KAZN: variants seen among roughly 807,000 people sequenced by gnomAD.
The protein encoded by KAZN is kazrin, periplakin interacting protein.
In KAZN, 40 loss-of-function variants were observed where a neutral mutation model predicts 87.4. The ratio of observed to expected loss-of-function variants is 0.46; its 90% CI spans 0.36 to 0.60. The LOEUF (loss-of-function observed/expected upper bound fraction) is 0.60. KAZN is among the 20% of genes least tolerant of loss of function. The pLI, the probability that KAZN is intolerant of heterozygous loss-of-function variation, is 0.00. For missense variants in KAZN, 898 were observed against 1,073.9 expected, an observed-to-expected ratio of 0.84 and a Z score of 2.29; for synonymous variants, 466 against 458.3, an observed-to-expected ratio of 1.02 and a Z score of -0.22.
chr1:13,967,011 C>T (rs1009250140), intron 1 of KAZN, among the ~76,000 whole-genome samples: 1 of 152,194 alleles, frequency 6.6e-6, no homozygotes, highest in African/African-American at 2.4e-5. Flanking sequence ...CACCCCACCC[C>T]TCAGCCCAGC....
chr1:14,304,942 G>T (rs1654815346), intron 2 of KAZN, among the ~76,000 whole-genome samples: 1 of 144,526 alleles, frequency 6.9e-6, no homozygotes, highest in Non-Finnish European at 1.5e-5. Flanking sequence ...GCCAAAGCTA[G>T]TTTTTTTTTT....
At chr1:15,062,934 G>A (rs940650164) in intron 6 of KAZN, 5 of 152,470 alleles carry the variant, frequency 3.3e-5, no homozygotes, top group African/African-American at 1.2e-4. Flanking sequence ...GACCAAGTAT[G>A]CAGTTACCCT....
chr1:14,891,759 C>T (rs1004897436), intron 1 of KAZN, among the ~76,000 whole-genome samples: 2 of 152,130 alleles, frequency 1.3e-5, no homozygotes, highest in African/African-American at 2.4e-5. Context: ...TGGGATTTTA[C>T]AGGTGATTTA....
At chr1:14,418,686 T>C (rs897709961) in intron 2 of KAZN, among the ~76,000 whole-genome samples, 5 of 152,224 alleles carry the variant, frequency 3.3e-5, no homozygotes, top group Non-Finnish European at 5.9e-5. Flanking sequence ...CTTCTAACTG[T>C]ATACTCCCAA....
At chr1:14,503,827 C>G (rs1670402325) in intron 2 of KAZN, among the ~76,000 whole-genome samples, 1 of 152,136 alleles carries the variant, frequency 6.6e-6, no homozygotes, top group African/African-American at 2.4e-5. Flanking sequence ...CAGGGGCTCA[C>G]TGCATTCCTC....
At chr1:15,041,768 A>C (rs1364726369) in intron 3 of KAZN, among the ~76,000 whole-genome samples, 1 of 149,568 alleles carries the variant, frequency 6.7e-6, no homozygotes, top group African/African-American at 2.5e-5. Context: ...ACCACCCCCA[A>C]CCCCCTTCCA....
chr1:14,444,673 C>T (rs903765308), intron 2 of KAZN, among the ~76,000 whole-genome samples: 1 of 152,086 alleles, frequency 6.6e-6, no homozygotes, highest in East Asian at 1.9e-4. Context: ...TGGGTAGAAT[C>T]GGGGTTCTTC....
At chr1:14,334,914 TAGAG>T (rs1334824214) in intron 2 of KAZN, among the ~76,000 whole-genome samples, 3 of 150,320 alleles carry the variant, frequency 2.0e-5, no homozygotes, top group Non-Finnish European at 3.0e-5. Context: ...CAGAGAGAAA[TAGAG>T]AGGAAGACAC....
intron 1 of KAZN, among the ~76,000 whole-genome samples, chr1:14,625,583 G>GA (rs1242180027): frequency 1.3e-5 from 2 of 152,054 alleles, no homozygotes; most frequent in Non-Finnish European, 2.9e-5. Flanking sequence ...GTTTAAGGGG[G>GA]AAAAAAACTT....
Position 15,094,840 on chromosome 1 carries a change from AC to A in KAZN, c.1456del (p.Leu486CysfsTer48). On this transcript the variant is annotated frameshift_variant, in exon 10 of 15. Coordinates refer to ENST00000376030, the MANE Select transcript of KAZN (RefSeq NM_201628.3). LOFTEE classifies it high-confidence loss of function. This position sits in a 1 kb window ranked among gnomAD's most constrained non-coding sequence, Gnocchi z 4.5. The stretch of plus-strand genomic sequence containing the variant: ...GTGCTGCTGAGCCTGAGTGACGAGG[AC>A]CTGCAGCTGGGCCTTGGGGTGTGCA... The part of the protein sequence containing the change: ...GKVLLSLSDE[D>X]LQLGLGVCSS... 6.5e-7 allele frequency: 1 copy of A among 1,550,372 alleles called. No homozygotes were observed. Among genetic ancestry groups the A allele is most frequent in the Non-Finnish European group, 8.7e-7 (1 of 1,146,542 alleles).
intron 2 of KAZN, among the ~76,000 whole-genome samples, chr1:14,479,740 C>T (rs532583378): frequency 9.2e-5 from 14 of 152,284 alleles, no homozygotes; most frequent in Admixed American, 3.9e-4. Flanking sequence ...GGCATGATCC[C>T]CTTCCTCTGG....
chr1:14,330,889 A>G (rs1056827801), intron 2 of KAZN, among the ~76,000 whole-genome samples: 1 of 152,206 alleles, frequency 6.6e-6, no homozygotes, highest in African/African-American at 2.4e-5. Flanking sequence ...GACAAGTTCA[A>G]CCTATGGAAG....
chr1:14,763,099 G>A (rs1168922276), intron 1 of KAZN, among the ~76,000 whole-genome samples: 2 of 152,300 alleles, frequency 1.3e-5, no homozygotes, highest in Non-Finnish European at 2.9e-5. Context: ...GAGTAGCTCT[G>A]ATAGGCAAAG....
chr1:14,660,545 T>C (rs867808562), intron 1 of KAZN, among the ~76,000 whole-genome samples: 6 of 130,834 alleles, frequency 4.6e-5, no homozygotes, highest in African/African-American at 1.4e-4. Context: ...CTCTCTCTTT[T>C]TTTTTTTTTT....
At chr1:14,745,708 C>T (rs1644245319) in intron 1 of KAZN, among the ~76,000 whole-genome samples, 1 of 152,130 alleles carries the variant, frequency 6.6e-6, no homozygotes, top group African/African-American at 2.4e-5. Context: ...TCTTAATCAT[C>T]ACTAGAATTA....
At position 14,996,848 on chromosome 1, in the gene KAZN, C is replaced by G. The variant is rs561124456; in HGVS notation, c.418+35973C>G. Among the ~76,000 whole-genome samples the G allele has an allele frequency of 6.6e-6, 1 of 152,166 alleles. No homozygotes were observed. The highest frequency in any genetic ancestry group is 2.4e-5 in the African/African-American group (1 of 41,446). On this transcript the variant is annotated intron_variant, in intron 2 of 14. Transcript: ENST00000376030. The surrounding 1 kb of genome is among the most constrained non-coding windows in gnomAD (Gnocchi z 5.9). ...CATGTGGGGCACTGGGAGGGAGGGC[C>G]GTTTGCCTGCGGCCCCATGACCTCG...
At chr1:14,750,134 G>A (rs1370201455) in intron 1 of KAZN, among the ~76,000 whole-genome samples, 1 of 152,050 alleles carries the variant, frequency 6.6e-6, no homozygotes, top group Non-Finnish European at 1.5e-5. Flanking sequence ...CTGGGTAACG[G>A]GCACAGGGTA....
intron 1 of KAZN, among the ~76,000 whole-genome samples, chr1:14,691,852 C>T (rs1018064972): frequency 2.6e-5 from 4 of 151,926 alleles, no homozygotes; most frequent in African/African-American, 9.7e-5. Context: ...TGCTCTCCAT[C>T]CAGCAAGCAC....
chr1:14,105,090 G>A (rs1231229994), intron 1 of KAZN, among the ~76,000 whole-genome samples: 1 of 152,132 alleles, frequency 6.6e-6, no homozygotes, highest in Non-Finnish European at 1.5e-5. Context: ...TTTGTTTTTA[G>A]CATTGACTGT....
Sources: gnomAD v4.1 joint callset for allele counts (sites outside exome capture counted in the v4.1 genomes callset) on GRCh38, gnomAD v4.1.1 for gene constraint, Gnocchi (gnomAD v3.1) non-coding constraint, MANE v1.5 for transcripts, NCBI Gene and HGNC (gene_info 2026-07-23, HGNC 2026-07-21) for gene names.